The following RCAN2 variants were observed in gnomAD, a reference collection of about 807,000 sequenced individuals.
The protein encoded by RCAN2 is calcipressin-2.
RCAN2 carries 9 observed loss-of-function variants against 23.6 expected under a neutral mutation model. That is an observed-to-expected ratio of 0.38 (90% CI 0.23 to 0.67). The LOEUF (loss-of-function observed/expected upper bound fraction) is 0.67, where lower values mean the gene tolerates loss of function less well. Ranked by LOEUF, RCAN2 falls within the 30% of genes least tolerant of loss-of-function variation. RCAN2 has a pLI of 0.51. For missense variants in RCAN2, 273 were observed against 302.3 expected (o/e 0.90, Z 0.72); for synonymous variants, 109 against 115.7 (o/e 0.94, Z 0.37).
chr6:46,395,702 T>G (rs1298410949), intron 2 of RCAN2, among the ~76,000 whole-genome samples: 1 of 152,222 alleles, frequency 6.6e-6, no homozygotes, highest in Non-Finnish European at 1.5e-5. Context: ...TTGGCTCATG[T>G]TATCCCTTCT....
chr6:46,358,893 A>G (rs1427990523), intron 2 of RCAN2, among the ~76,000 whole-genome samples: 12 of 152,166 alleles, frequency 7.9e-5, no homozygotes, highest in Admixed American at 7.9e-4. Context: ...CTGCCAGGTG[A>G]TTCCAATATG....
chr6:46,480,186 A>T (rs1439151199), intron 1 of RCAN2, among the ~76,000 whole-genome samples: 1 of 152,210 alleles, frequency 6.6e-6, no homozygotes, highest in African/African-American at 2.4e-5. Context: ...ACTTATTACC[A>T]GTATAATTAT....
At chr6:46,403,179 A>T (rs998114422) in intron 2 of RCAN2, among the ~76,000 whole-genome samples, 6 of 151,956 alleles carry the variant, frequency 3.9e-5, no homozygotes, top group Non-Finnish European at 8.8e-5. Flanking sequence ...GTTAGCCAGG[A>T]TGGTCTCAAT....
At chr6:46,257,422 G>A (rs1766955050) in intron 2 of RCAN2, among the ~76,000 whole-genome samples, 2 of 152,132 alleles carry the variant, frequency 1.3e-5, no homozygotes, top group Admixed American at 1.3e-4. Context: ...CTGAGACTGG[G>A]TAATTTATAA....
intron 4 of RCAN2, among the ~76,000 whole-genome samples, chr6:46,223,680 C>G (rs1043995688): frequency 6.6e-6 from 1 of 152,170 alleles, no homozygotes; most frequent in Non-Finnish European, 1.5e-5. Context: ...AACCTTGGGC[C>G]AATCACTTCA....
intron 2 of RCAN2, among the ~76,000 whole-genome samples, chr6:46,352,855 C>T (rs1172871550): frequency 1.3e-5 from 2 of 152,162 alleles, no homozygotes; most frequent in African/African-American, 4.8e-5. Context: ...TCAGCCATTT[C>T]TCATCTGAAA....
At chr6:46,438,267 C>T (rs1177975956) in intron 2 of RCAN2, 6 of 152,254 alleles carry the variant, frequency 3.9e-5, no homozygotes, top group African/African-American at 1.2e-4. Flanking sequence ...ATAAAAACAT[C>T]TCTCAGAGCT....
intron 2 of RCAN2, among the ~76,000 whole-genome samples, chr6:46,358,279 C>T (rs1001413656): frequency 6.6e-6 from 1 of 152,118 alleles, no homozygotes; most frequent in South Asian, 2.1e-4. Flanking sequence ...AAATACACTC[C>T]AGTAATGATC....
intron 2 of RCAN2, among the ~76,000 whole-genome samples, chr6:46,354,435 T>C (rs188431890): frequency 6.6e-6 from 1 of 152,364 alleles, no homozygotes; most frequent in East Asian, 1.9e-4. Flanking sequence ...TGTCAGTTTC[T>C]TGACTCTGAT....
chr6:46,470,320 A>G (rs1168237951), intron 1 of RCAN2, among the ~76,000 whole-genome samples: 1 of 152,144 alleles, frequency 6.6e-6, no homozygotes, highest in African/African-American at 2.4e-5. Flanking sequence ...TTACCTTCCT[A>G]CTTTTCTAAC....
rs78188678 is a variant in RCAN2, at chr6:46,389,744, G to A, written c.225+67008C>T. Among the ~76,000 whole-genome samples, 17 of 152,306 alleles carry A rather than the reference G, an allele frequency of 1.1e-4. No individual in the cohort carries two copies. The East Asian group carries it at 3.1e-3, about 28-fold the overall frequency. ...TGCTGAGGCCTTATAGCCCGCTTGA[G>A]GCTGCTCAGGACTCATTCAGATCCT... On this transcript the variant is annotated intron_variant, in intron 2 of 4. Transcript: ENST00000371374.
chr6:46,341,348 T>C (rs1351367325), intron 2 of RCAN2, among the ~76,000 whole-genome samples: 1 of 152,098 alleles, frequency 6.6e-6, no homozygotes, highest in Non-Finnish European at 1.5e-5. Flanking sequence ...AGAAGAAGAA[T>C]TGTCTTGGGC....
intron 2 of RCAN2, among the ~76,000 whole-genome samples, chr6:46,276,507 C>A (rs1767712318): frequency 6.6e-6 from 1 of 152,192 alleles, no homozygotes; most frequent in African/African-American, 2.4e-5. Flanking sequence ...TGAGACCTGT[C>A]AATCTGCACT....
intron 2 of RCAN2, among the ~76,000 whole-genome samples, chr6:46,379,230 AAAC>A (rs1765558154): frequency 6.6e-6 from 1 of 152,160 alleles, no homozygotes; most frequent in Non-Finnish European, 1.5e-5. Flanking sequence ...GCAATGTAAG[AAAC>A]AAAGAGCCTC....
chr6:46,458,888 C>CGT (rs1158645841), intron 1 of RCAN2, among the ~76,000 whole-genome samples: 5 of 126,610 alleles, frequency 3.9e-5, no homozygotes, highest in Admixed American at 2.5e-4. Flanking sequence ...CAGGAAAACG[C>CGT]GCGCGCACGT....
At chr6:46,288,007 T>C (rs577573020) in intron 2 of RCAN2, among the ~76,000 whole-genome samples, 1 of 152,346 alleles carries the variant, frequency 6.6e-6, no homozygotes, top group East Asian at 1.9e-4. Context: ...CCCCACTCTC[T>C]TTTCTTCTTG....
chr6:46,432,734 T>C (rs1238702269), intron 2 of RCAN2, among the ~76,000 whole-genome samples: 1 of 152,164 alleles, frequency 6.6e-6, no homozygotes, highest in Non-Finnish European at 1.5e-5. Flanking sequence ...CTATTTGTGA[T>C]GATAAGCAAC....
chr6:46,245,585 G>A (rs1178931270), intron 4 of RCAN2, among the ~76,000 whole-genome samples: 2 of 152,148 alleles, frequency 1.3e-5, no homozygotes, highest in South Asian at 2.1e-4. Context: ...TGGGGTGGGC[G>A]ACTCTGGGCC....
At chr6:46,382,261 T>A (rs1235537397) in intron 2 of RCAN2, among the ~76,000 whole-genome samples, 1 of 152,196 alleles carries the variant, frequency 6.6e-6, no homozygotes, top group African/African-American at 2.4e-5. Context: ...TTATCGGGAA[T>A]ATTAAATTAT....
Sources: gnomAD v4.1 joint callset for allele counts (sites outside exome capture counted in the v4.1 genomes callset) on GRCh38, gnomAD v4.1.1 for gene constraint, MANE v1.5 for transcripts, NCBI Gene and HGNC (gene_info 2026-07-23, HGNC 2026-07-21) for gene names.